The following LINGO1 variants were observed in gnomAD, a reference collection of about 807,000 sequenced individuals.
LINGO1 encodes leucine-rich repeat and immunoglobulin-like domain-containing nogo receptor-interacting protein 1.
LINGO1 carries 11 observed loss-of-function variants against 37.3 expected under a neutral mutation model. The observed-to-expected ratio is 0.29, with a 90% CI of 0.19 to 0.49. The LOEUF (loss-of-function observed/expected upper bound fraction) is 0.49, where lower values mean the gene tolerates loss of function less well. Among genes scored for constraint, LINGO1 ranks in the 20% least tolerant of loss-of-function variants. The pLI, the probability that LINGO1 is intolerant of heterozygous loss-of-function variation, is 0.99. For synonymous variants in LINGO1, 387 were observed against 403.0 expected, an observed-to-expected ratio of 0.96 and a Z score of 0.48; for missense variants, 585 against 878.2, an observed-to-expected ratio of 0.67 and a Z score of 4.22.
chr15:77,634,284 C>A, upstream of LINGO1: 1 of 456,110 alleles, frequency 2.2e-6, no homozygotes, highest in South Asian at 1.5e-5. Flanking sequence ...ACCTTCTGTT[C>A]CAGCTGCACC....
At chr15:77,624,205 C>CTG (rs1294049106) in intron 1 of LINGO1, among the ~76,000 whole-genome samples, 105 of 141,516 alleles carry the variant, frequency 7.4e-4, no homozygotes, top group African/African-American at 1.7e-3. Flanking sequence ...TGTGTGGCCT[C>CTG]TGTGTGTGTG....
intron 1 of LINGO1, among the ~76,000 whole-genome samples, chr15:77,763,654 C>A (rs77976640): frequency 0.021 from 3,256 of 152,188 alleles, 119 homozygotes; most frequent in African/African-American, 0.075. Flanking sequence ...TTTAGGAACT[C>A]TTACCTGCAT....
upstream of LINGO1, among the ~76,000 whole-genome samples, chr15:77,636,250 C>A (rs1057500410): frequency 4.6e-5 from 7 of 152,148 alleles, no homozygotes; most frequent in Non-Finnish European, 8.8e-5. Context: ...AAGGGTCCCC[C>A]AGGCACAGAA....
intron 3 of LINGO1, among the ~76,000 whole-genome samples, chr15:77,674,811 A>G (rs928440263): frequency 1.3e-5 from 2 of 151,288 alleles, no homozygotes; most frequent in African/African-American, 2.4e-5. Flanking sequence ...TCCCATACGC[A>G]TGCTGTATTT....
At chr15:77,685,195 G>A (rs1204699654) in intron 2 of LINGO1, among the ~76,000 whole-genome samples, 2 of 152,068 alleles carry the variant, frequency 1.3e-5, no homozygotes, top group Non-Finnish European at 2.9e-5. Context: ...GGAGAAACAC[G>A]GAGGAGGAGC....
intron 1 of LINGO1, among the ~76,000 whole-genome samples, chr15:77,801,852 C>T (rs1449129931): frequency 2.6e-5 from 4 of 152,178 alleles, no homozygotes; most frequent in Non-Finnish European, 5.9e-5. Flanking sequence ...CAAGGTACAC[C>T]GGCAGCCAGG....
chr15:77,726,341 C>T (rs564032202), intron 2 of LINGO1, among the ~76,000 whole-genome samples: 27 of 152,194 alleles, frequency 1.8e-4, no homozygotes, highest in Non-Finnish European at 3.7e-4. Context: ...CCACAGGCAC[C>T]CCATCCTGCC....
At chr15:77,756,483 C>A (rs2076420195) in intron 1 of LINGO1, among the ~76,000 whole-genome samples, 1 of 110,182 alleles carries the variant, frequency 9.1e-6, no homozygotes, top group Admixed American at 1.0e-4. Flanking sequence ...GACAGACAGA[C>A]AGACACACAC....
At chr15:77,743,740 G>A (rs1361581930) in intron 1 of LINGO1, among the ~76,000 whole-genome samples, 1 of 152,000 alleles carries the variant, frequency 6.6e-6, no homozygotes, top group Non-Finnish European at 1.5e-5. Flanking sequence ...GGATGCTGAA[G>A]ATTTGCCTCC....
At chr15:77,659,152 A>G (rs2074931967) in intron 3 of LINGO1, among the ~76,000 whole-genome samples, 1 of 152,152 alleles carries the variant, frequency 6.6e-6, no homozygotes, top group African/African-American at 2.4e-5. Flanking sequence ...GAGCCACTGA[A>G]GCGTATAAGC....
intron 2 of LINGO1, among the ~76,000 whole-genome samples, chr15:77,711,124 C>T (rs1310629465): frequency 1.3e-5 from 2 of 152,190 alleles, no homozygotes; most frequent in African/African-American, 4.8e-5. Context: ...ACTCGCACCT[C>T]CCTTCAAAAC....
At chr15:77,776,903 C>A (rs1415285039) in intron 1 of LINGO1, among the ~76,000 whole-genome samples, 1 of 152,202 alleles carries the variant, frequency 6.6e-6, no homozygotes, top group East Asian at 1.9e-4. Flanking sequence ...GAGGCATAGC[C>A]AAGGCCACCC....
chr15:77,803,035 C>T (rs931918530), intron 1 of LINGO1, among the ~76,000 whole-genome samples: 1 of 152,214 alleles, frequency 6.6e-6, no homozygotes, highest in Non-Finnish European at 1.5e-5. Flanking sequence ...CAAACCTTTG[C>T]ACCTGCTGTT....
chr15:77,650,261 CAG>C (rs2074730315), intron 3 of LINGO1, among the ~76,000 whole-genome samples: 1 of 152,132 alleles, frequency 6.6e-6, no homozygotes, highest in African/African-American at 2.4e-5. Context: ...TCGAGGCTTT[CAG>C]AGACTATGCC....
chr15:77,716,459 A>C (rs768317912), intron 2 of LINGO1, among the ~76,000 whole-genome samples: 1 of 148,868 alleles, frequency 6.7e-6, no homozygotes, highest in Non-Finnish European at 1.5e-5. Flanking sequence ...CCCTCTCACT[A>C]GTCCTGCAGG....
At chr15:77,715,853 C>T (rs991651945) in intron 2 of LINGO1, among the ~76,000 whole-genome samples, 8 of 152,182 alleles carry the variant, frequency 5.3e-5, no homozygotes, top group Admixed American at 2.0e-4. Context: ...AGGAAGGTGT[C>T]CCTGGCTGCT....
chr15:77,630,729 GA>G (rs1248322162), intron 1 of LINGO1, among the ~76,000 whole-genome samples: 2 of 152,190 alleles, frequency 1.3e-5, no homozygotes, highest in African/African-American at 4.8e-5. Context: ...GTCAGGGGGT[GA>G]GGAGGGGGGC....
intron 1 of LINGO1, among the ~76,000 whole-genome samples, chr15:77,779,516 G>T (rs2076694192): frequency 6.6e-6 from 1 of 152,046 alleles, no homozygotes; most frequent in Non-Finnish European, 1.5e-5. Context: ...TGGGGATGAT[G>T]GGAGACAGTC....
At chr15:77,716,595 T>C (rs2075988480) in intron 2 of LINGO1, among the ~76,000 whole-genome samples, 1 of 150,022 alleles carries the variant, frequency 6.7e-6, no homozygotes, top group Non-Finnish European at 1.5e-5. Flanking sequence ...TAACACAGAC[T>C]CAGGCATACA....
Sources: allele counts gnomAD v4.1 joint callset (sites outside exome capture counted in the v4.1 genomes callset), GRCh38; gene constraint gnomAD v4.1.1; transcripts MANE v1.5; gene names NCBI Gene and HGNC (gene_info 2026-07-23, HGNC 2026-07-21).